ATP1B2: variants seen among roughly 807,000 people sequenced by gnomAD.
ATP1B2 encodes the protein sodium/potassium-transporting ATPase subunit beta-2.
Under a neutral mutation model 37.3 loss-of-function variants are expected in ATP1B2, and 12 were observed. The ratio of observed to expected loss-of-function variants is 0.32; its 90% CI spans 0.21 to 0.52. ATP1B2 has a LOEUF of 0.52. Ranked by LOEUF, ATP1B2 falls within the 20% of genes least tolerant of loss-of-function variation. The pLI is 0.96. For missense variants in ATP1B2, 324 were observed against 391.6 expected (o/e 0.83, Z 1.46); for synonymous variants, 139 against 140.5 (o/e 0.99, Z 0.07).
At chr17:7,649,066 T>G (rs1234353250), upstream of ATP1B2, among the ~76,000 whole-genome samples, 2 of 152,250 alleles carry the variant, frequency 1.3e-5, no homozygotes, top group South Asian at 4.1e-4. Flanking sequence ...ATGCATACCA[T>G]TTTTTTGAGA....
In ATP1B2 at chr17:7,657,317, C is replaced by T. The variant is rs939570146; in HGVS notation, c.*1422C>T. The T allele has an allele frequency of 6.6e-6, 1 of 152,160 alleles. No individual in the cohort carries two copies. The highest frequency in any genetic ancestry group is 2.4e-5 in the African/African-American group (1 of 41,398). The allele number at this position is 152,160 out of a possible 1,614,324, so 9.4% of individuals were successfully genotyped here. On this transcript the variant is annotated 3_prime_UTR_variant, in exon 7 of 7. Transcript: ENST00000250111. ...TCCTTCCTTTTCCTCTGCATGCCAG[C>T]CTGAAAATTCCAAATCTAGCCTCTG...
In ATP1B2 at chr17:7,653,810, T is replaced by C. The variant is rs2072629588; in HGVS notation, c.242-31T>C. On this transcript the variant is annotated intron_variant, in intron 2 of 6. Coordinates refer to ENST00000250111, the MANE Select transcript of ATP1B2 (RefSeq NM_001678.5). ...TGTGTGCAGTCCCTCATCTTATAGA[T>C]ACCCCCAACTTCTGCCTTTGTTGGC... 5 of 1,601,436 alleles carry C rather than the reference T, an allele frequency of 3.1e-6. No homozygotes were observed. The East Asian group carries it at 1.1e-4, about 36-fold the overall frequency.
Position 7,650,942 on chromosome 17 carries a change from G to A in ATP1B2, c.-577G>A, listed in dbSNP as rs921392369. Reference sequence around the variant, plus strand: ...GCGGGCCTCGCACTGCTGAGGAGCGGAGCCTCCGCCTGGGGGGCCCCCCAT... The same window carrying A: ...GCGGGCCTCGCACTGCTGAGGAGCGAAGCCTCCGCCTGGGGGGCCCCCCAT... On this transcript the variant is annotated 5_prime_UTR_variant, in exon 1 of 7. Transcript: ENST00000250111. Among the ~76,000 whole-genome samples the A allele has an allele frequency of 9.2e-5, 14 of 152,262 alleles. No homozygotes were observed. In the East Asian group the frequency reaches 2.7e-3, roughly 30 times the overall value.
chr17:7,655,166 T>G lies in ATP1B2; in HGVS notation c.610-361T>G. 5.6e-6 allele frequency: 2 copies of G among 354,898 alleles called. No individual in the cohort carries two copies. Among genetic ancestry groups the G allele is most frequent in the Non-Finnish European group, 1.0e-5 (2 of 192,332 alleles). 22.0% of individuals were successfully genotyped at this position (354,898 alleles called of 1,614,324 possible). A position where few individuals can be genotyped will look rare whatever the true frequency, so the allele number is the denominator to read the frequency against. ...TCCTTTCTAGAAACTGGCTGCTCCC[T>G]CCACATCCCCTTCCTTGCTTCCTAT... On this transcript the variant is annotated intron_variant, in intron 5 of 6. Coordinates refer to ENST00000250111, the MANE Select transcript of ATP1B2 (RefSeq NM_001678.5). This position sits in a 1 kb window ranked among gnomAD's most constrained non-coding sequence, Gnocchi z 4.4.
chr17:7,648,472 G>A (rs1005667674), upstream of ATP1B2, among the ~76,000 whole-genome samples: 2 of 149,282 alleles, frequency 1.3e-5, no homozygotes, highest in Admixed American at 1.3e-4. Context: ...GGGAGACTGA[G>A]GGAGGAACCG....
At position 7,655,127 on chromosome 17, in the gene ATP1B2, T is replaced by TC. The variant is rs1282389740; in HGVS notation, c.610-393dup. On this transcript the variant is annotated intron_variant, in intron 5 of 6. Transcript: ENST00000250111. The surrounding 1 kb of genome is among the most constrained non-coding windows in gnomAD (Gnocchi z 4.4). Reference sequence around the variant, plus strand: ...TGTCCTTGGGACCCTGTTCCCCGCTTCCCCCCCGGTCTGTCCTTTCTAGAA... The same window carrying TC: ...TGTCCTTGGGACCCTGTTCCCCGCTTCCCCCCCCGGTCTGTCCTTTCTAGAA... The TC allele has an allele frequency of 4.5e-5, 14 of 309,166 alleles. No homozygotes were observed. Among genetic ancestry groups the TC allele is most frequent in the Non-Finnish European group, 5.4e-5 (9 of 165,600 alleles). 19.2% of individuals were successfully genotyped at this position (309,166 alleles called of 1,614,324 possible). A position where few individuals can be genotyped will look rare whatever the true frequency, so the allele number is the denominator to read the frequency against.
Position 7,655,981 on chromosome 17 carries a change from A to C in ATP1B2, c.*86A>C. On this transcript the variant is annotated 3_prime_UTR_variant, in exon 7 of 7. Coordinates refer to ENST00000250111, the MANE Select transcript of ATP1B2 (RefSeq NM_001678.5). The surrounding 1 kb of genome is among the most constrained non-coding windows in gnomAD (Gnocchi z 4.4). The stretch of plus-strand genomic sequence containing the variant: ...CCTGATCCCTCCCTCACCCACCCCA[A>C]AGGTATTTTTGATAACAGAGCTATG... 1 of 1,524,604 alleles carries C rather than the reference A, an allele frequency of 6.6e-7. No homozygotes were observed. Among genetic ancestry groups the C allele is most frequent in the Non-Finnish European group, 8.9e-7 (1 of 1,119,844 alleles). 94.4% of individuals were successfully genotyped at this position (1,524,604 alleles called of 1,614,324 possible).
chr17:7,648,567 C>CAAAA (rs58333874), upstream of ATP1B2, among the ~76,000 whole-genome samples: 57 of 69,708 alleles, frequency 8.2e-4, no homozygotes, highest in South Asian at 3.7e-3. Flanking sequence ...ACTCTGTCTC[C>CAAAA]AAAAAAAAAA....
rs988009567 is a variant in ATP1B2 at position 7,654,326 on chromosome 17, A to G, written c.552+69A>G. On this transcript the variant is annotated intron_variant, in intron 4 of 6. Coordinates refer to ENST00000250111, the MANE Select transcript of ATP1B2 (RefSeq NM_001678.5). This position sits in a 1 kb window ranked among gnomAD's most constrained non-coding sequence, Gnocchi z 4.9. ...GGGGACACCACCTGCAGACAATTGCATCCTTTCACTGGGGCTAATGGGCAT... is the reference window on the plus strand; with the variant it reads ...GGGGACACCACCTGCAGACAATTGCGTCCTTTCACTGGGGCTAATGGGCAT... The G allele has an allele frequency of 5.9e-6, 9 of 1,532,234 alleles. No homozygotes were observed. In the African/African-American group the frequency reaches 1.1e-4, roughly 19 times the overall value. The allele number at this position is 1,532,234 out of a possible 1,614,324, so 94.9% of individuals were successfully genotyped here.
In ATP1B2 at chr17:7,655,719, C is replaced by A. The variant is rs55831773; in HGVS notation, c.709-12C>A. 6.2e-7 allele frequency: 1 copy of A among 1,613,690 alleles called. No individual in the cohort carries two copies. The highest frequency in any genetic ancestry group is 1.3e-5 in the African/African-American group (1 of 74,852). ...CCCCAGGCCTAGACCCTGCACTGCT[C>A]CTCCGGCCCAGGTGAACTACACACA... On this transcript the variant is annotated splice_polypyrimidine_tract_variant and intron_variant, in intron 6 of 6. Transcript: ENST00000250111. This position sits in a 1 kb window ranked among gnomAD's most constrained non-coding sequence, Gnocchi z 4.4.
intron 1 of ATP1B2, among the ~76,000 whole-genome samples, chr17:7,652,750 T>G (rs1001627161): frequency 6.6e-6 from 1 of 152,120 alleles, no homozygotes; most frequent in Non-Finnish European, 1.5e-5. Context: ...TGTGGGAGAT[T>G]CTGCCTTTCC....
At position 7,656,001 on chromosome 17, in the gene ATP1B2, G is replaced by A. The variant is rs1347666689; in HGVS notation, c.*106G>A. On this transcript the variant is annotated 3_prime_UTR_variant, in exon 7 of 7. Coordinates refer to ENST00000250111, the MANE Select transcript of ATP1B2 (RefSeq NM_001678.5). The stretch of plus-strand genomic sequence containing the variant: ...CCCCAAAGGTATTTTTGATAACAGA[G>A]CTATGACTTGTCTGAGCCTCACATC... 2.1e-6 allele frequency: 3 copies of A among 1,426,612 alleles called. No individual in the cohort carries two copies. Among genetic ancestry groups the A allele is most frequent in the African/African-American group, 1.4e-5 (1 of 70,838 alleles). 88.4% of individuals were successfully genotyped at this position (1,426,612 alleles called of 1,614,324 possible).
upstream of ATP1B2, among the ~76,000 whole-genome samples, chr17:7,648,061 A>C (rs148358111): frequency 0.012 from 1,743 of 151,346 alleles, 25 homozygotes; most frequent in Middle Eastern, 0.064. Context: ...CCAACACGGC[A>C]AAACCCTGTC....
At chr17:7,649,571 T>A (rs1234420274), upstream of ATP1B2, among the ~76,000 whole-genome samples, 277 of 146,058 alleles carry the variant, frequency 1.9e-3, 1 homozygote, top group African/African-American at 6.5e-3. Flanking sequence ...TTTTTTTTTT[T>A]ATTGAGACGG....
Position 7,657,578 on chromosome 17 carries a change from A to G in ATP1B2, c.*1683A>G, listed in dbSNP as rs2072664375. 1 of 151,478 alleles carries G rather than the reference A, an allele frequency of 6.6e-6. No homozygotes were observed. The highest frequency in any genetic ancestry group is 1.5e-5 in the Non-Finnish European group (1 of 67,786). 9.4% of individuals were successfully genotyped at this position (151,478 alleles called of 1,614,324 possible). On this transcript the variant is annotated 3_prime_UTR_variant, in exon 7 of 7. Coordinates refer to ENST00000250111, the MANE Select transcript of ATP1B2 (RefSeq NM_001678.5). ...ATGCTGCAGCCTCCACACTCCACCC[A>G]CAGGTGGACCCTTCCCTTTTTCTCT...
At chr17:7,653,065 G>T (rs1030700892) in intron 1 of ATP1B2, among the ~76,000 whole-genome samples, 4 of 152,188 alleles carry the variant, frequency 2.6e-5, no homozygotes, top group African/African-American at 9.7e-5. Context: ...ACAGATGTGT[G>T]CCTTGTCAGG....
At chr17:7,649,603 A>T (rs1419658037), upstream of ATP1B2, among the ~76,000 whole-genome samples, 1 of 149,376 alleles carries the variant, frequency 6.7e-6, no homozygotes, top group African/African-American at 2.5e-5. Flanking sequence ...CCCAGGCTGG[A>T]GTGCAGTGGA....
rs1344083045 is a variant in ATP1B2, at chr17:7,654,033, C to T, written c.347-19C>T. 1 of 1,613,760 alleles carries T rather than the reference C, an allele frequency of 6.2e-7. No individual in the cohort carries two copies. The highest frequency in any genetic ancestry group is 8.5e-7 in the Non-Finnish European group (1 of 1,179,654). ...AGTGGAACATCTGGCCCCTGAGTCTCTCCCTCCCACCTCTTTAGCTTACAA... is the reference window on the plus strand; with the variant it reads ...AGTGGAACATCTGGCCCCTGAGTCTTTCCCTCCCACCTCTTTAGCTTACAA... On this transcript the variant is annotated intron_variant, in intron 3 of 6. Coordinates refer to ENST00000250111, the MANE Select transcript of ATP1B2 (RefSeq NM_001678.5). This position sits in a 1 kb window ranked among gnomAD's most constrained non-coding sequence, Gnocchi z 4.9.
At chr17:7,653,975 C>T (rs1567532390) in intron 3 of ATP1B2, 30 bp downstream of exon 3, 2 of 1,609,930 alleles carry the variant, frequency 1.2e-6, no homozygotes, top group South Asian at 1.1e-5. Context: ...TGTGTCAGTT[C>T]AAGACTTCGG....
Sources: allele counts gnomAD v4.1 joint callset (sites outside exome capture counted in the v4.1 genomes callset), GRCh38; gene constraint gnomAD v4.1.1; non-coding constraint Gnocchi (gnomAD v3.1); transcripts MANE v1.5; gene names NCBI Gene and HGNC (gene_info 2026-07-23, HGNC 2026-07-21).